The following GRM5 variants were observed in gnomAD, a reference collection of about 807,000 sequenced individuals.
GRM5 encodes metabotropic glutamate receptor 5.
In GRM5, 19 loss-of-function variants were observed where a neutral mutation model predicts 83.1. The observed-to-expected ratio is 0.23, with a 90% CI of 0.16 to 0.34. GRM5 has a LOEUF of 0.34. Among genes scored for constraint, GRM5 ranks in the 10% least tolerant of loss-of-function variants. The pLI is 1.00. For missense variants in GRM5, 1,160 were observed against 1,588.3 expected (o/e 0.73, Z 4.58); for synonymous variants, 675 against 633.6 (o/e 1.07, Z -0.98).
chr11:88,543,571 T>C (rs138266387), intron 8 of GRM5, among the ~76,000 whole-genome samples: 58 of 135,906 alleles, frequency 4.3e-4, no homozygotes, highest in Non-Finnish European at 7.4e-4. Flanking sequence ...AGGGAAGACA[T>C]AGAGAAATCA....
At chr11:89,058,723 A>G (rs1299012110) in intron 1 of GRM5, among the ~76,000 whole-genome samples, 1 of 152,196 alleles carries the variant, frequency 6.6e-6, no homozygotes, top group African/African-American at 2.4e-5. Context: ...GGTTGATATT[A>G]CCTTACATTA....
At chr11:88,802,443 A>G (rs149964787) in intron 3 of GRM5, among the ~76,000 whole-genome samples, 20 of 151,752 alleles carry the variant, frequency 1.3e-4, no homozygotes, top group African/African-American at 4.6e-4. Flanking sequence ...TCAGAAACAG[A>G]AAGTCAATAG....
chr11:88,690,434 G>A (rs1037978351), intron 3 of GRM5, among the ~76,000 whole-genome samples: 1 of 151,962 alleles, frequency 6.6e-6, no homozygotes, highest in Non-Finnish European at 1.5e-5. Flanking sequence ...CATTAAAATA[G>A]GATATTATGC....
At chr11:88,773,192 G>T (rs1368625794) in intron 3 of GRM5, among the ~76,000 whole-genome samples, 1 of 152,180 alleles carries the variant, frequency 6.6e-6, no homozygotes, top group Non-Finnish European at 1.5e-5. Context: ...GCATTTCTCT[G>T]ATGGCCAGTG....
At chr11:88,944,927 T>C (rs1311023795) in intron 2 of GRM5, among the ~76,000 whole-genome samples, 1 of 151,974 alleles carries the variant, frequency 6.6e-6, no homozygotes, top group Admixed American at 6.6e-5. Context: ...AAACTATTAT[T>C]CTTTGTGGAT....
intron 3 of GRM5, among the ~76,000 whole-genome samples, chr11:88,849,169 A>G (rs1944348208): frequency 6.6e-6 from 1 of 151,990 alleles, no homozygotes; most frequent in Middle Eastern, 3.2e-3. Context: ...ACACACACAT[A>G]TGTATATACA....
At chr11:88,650,902 T>G (rs1381094058) in intron 4 of GRM5, among the ~76,000 whole-genome samples, 6 of 152,024 alleles carry the variant, frequency 3.9e-5, no homozygotes, top group Non-Finnish European at 7.4e-5. Context: ...TTTGTTATAT[T>G]TAAAATGAGG....
rs997893467 is a variant in GRM5 at position 88,706,882 on chromosome 11, A to G, written c.912-53479T>C. ...GGTACTTAGTTAAAATGACAAATGA[A>G]TGGTGTTTTTGAGGGAAAGTTCTTG... On this transcript the variant is annotated intron_variant, in intron 3 of 9. Transcript: ENST00000305447. Among the ~76,000 whole-genome samples the G allele has an allele frequency of 1.3e-5, 2 of 152,052 alleles. 1 individual carries two copies. Among genetic ancestry groups the G allele is most frequent in the Admixed American group, 1.3e-4 (2 of 15,232 alleles).
In GRM5 at chr11:88,885,059, AT is replaced by A. The variant is rs66542624; in HGVS notation, c.662-34905del. 3.9e-3 allele frequency among the ~76,000 whole-genome samples: 587 copies of A among 152,172 alleles called. 1 individual carries two copies. The highest frequency in any genetic ancestry group is 6.8e-3 in the Non-Finnish European group (462 of 67,996). On this transcript the variant is annotated intron_variant, in intron 2 of 9. Transcript: ENST00000305447. ...CATTCCTAAGATCTGAAAAGAAGCC[AT>A]TTTTTAAAATAATATTTTATTTATA...
intron 5 of GRM5, among the ~76,000 whole-genome samples, chr11:88,600,351 C>A (rs1043794119): frequency 2.3e-5 from 3 of 131,436 alleles, no homozygotes; most frequent in Non-Finnish European, 4.7e-5. Flanking sequence ...TTTTTCATTG[C>A]ACCTCTTGGT....
intron 2 of GRM5, among the ~76,000 whole-genome samples, chr11:88,974,413 A>ATAGATAGATAGG (rs1284568963): frequency 7.2e-4 from 109 of 151,798 alleles, no homozygotes; most frequent in African/African-American, 2.6e-3. Context: ...AGATAGATAG[A>ATAGATAGATAGG]TAGATAGATA....
chr11:88,909,048 C>T (rs542095721), intron 2 of GRM5, among the ~76,000 whole-genome samples: 2 of 151,974 alleles, frequency 1.3e-5, no homozygotes, highest in Non-Finnish European at 2.9e-5. Flanking sequence ...ACGTTGAGTC[C>T]AAATTTATAT....
chr11:88,745,577 T>C lies in GRM5; in HGVS notation c.912-92174A>G, dbSNP rs190493882. Among the ~76,000 whole-genome samples, 27 of 152,186 alleles carry C rather than the reference T, an allele frequency of 1.8e-4. No homozygotes were observed. In the East Asian group the frequency reaches 4.4e-3, roughly 25 times the overall value. On this transcript the variant is annotated intron_variant, in intron 3 of 9. Transcript: ENST00000305447. ...GTTTGGACCTTGGCCTTGTAGATCT[T>C]GTAACTTCTATCTTTTATTTTCTTC...
chr11:88,738,902 G>A (rs11021132), intron 3 of GRM5, among the ~76,000 whole-genome samples: 60,576 of 151,806 alleles, frequency 0.4, 12,403 homozygotes, highest in African/African-American at 0.47. Context: ...TCTTGGTCAC[G>A]CGTTTCTTAC....
At chr11:88,837,811 G>A (rs868144757) in intron 3 of GRM5, among the ~76,000 whole-genome samples, 13 of 152,108 alleles carry the variant, frequency 8.5e-5, no homozygotes, top group Admixed American at 1.3e-4. Flanking sequence ...TCGGCCGGGC[G>A]CGGTGGCTCA....
At chr11:88,865,890 TAA>T (rs890153363) in intron 2 of GRM5, among the ~76,000 whole-genome samples, 5 of 151,958 alleles carry the variant, frequency 3.3e-5, no homozygotes, top group Admixed American at 6.6e-5. Context: ...TGGTGATCAT[TAA>T]AAAGTCAGGA....
At chr11:88,695,360 G>A (rs1940876728) in intron 3 of GRM5, among the ~76,000 whole-genome samples, 2 of 152,118 alleles carry the variant, frequency 1.3e-5, no homozygotes, top group Admixed American at 6.6e-5. Context: ...TATTTATATA[G>A]TGGAGCTGTC....
intron 2 of GRM5, among the ~76,000 whole-genome samples, chr11:88,957,646 T>C (rs546980): frequency 6.6e-6 from 1 of 151,978 alleles, no homozygotes; most frequent in Admixed American, 6.6e-5. Flanking sequence ...CATATAAATA[T>C]ATTTCATTTA....
intron 3 of GRM5, among the ~76,000 whole-genome samples, chr11:88,787,653 A>G (rs1943098627): frequency 6.6e-6 from 1 of 152,140 alleles, no homozygotes; most frequent in African/African-American, 2.4e-5. Context: ...TAAGAATATT[A>G]ATGATGGTGA....
Sources: gnomAD v4.1 joint callset for allele counts (sites outside exome capture counted in the v4.1 genomes callset) on GRCh38, gnomAD v4.1.1 for gene constraint, MANE v1.5 for transcripts, NCBI Gene and HGNC (gene_info 2026-07-23, HGNC 2026-07-21) for gene names.